Variants in NAV1 observed in about 807,000 individuals in gnomAD.
NAV1 encodes pore membrane and/or filament interacting like protein 3.
A neutral mutation model predicts 175.2 loss-of-function variants in NAV1; 18 were observed. The observed-to-expected ratio is 0.10, with a 90% CI of 0.07 to 0.15. The LOEUF (loss-of-function observed/expected upper bound fraction) is 0.15, where lower values mean the gene tolerates loss of function less well. Ranked by LOEUF, NAV1 falls within the 10% of genes least tolerant of loss-of-function variation. The pLI, the probability that NAV1 is intolerant of heterozygous loss-of-function variation, is 1.00. For synonymous variants in NAV1, 897 were observed against 978.7 expected, an observed-to-expected ratio of 0.92 and a Z score of 1.56; for missense variants, 1,731 against 2,436.6, an observed-to-expected ratio of 0.71 and a Z score of 6.10.
rs999973828 is a variant in NAV1, at chr1:201,539,289, G to A, written c.-197G>A. On this transcript the variant is annotated 5_prime_UTR_variant, in exon 1 of 34. Coordinates refer to the NAV1 transcript ENST00000685211. This position sits in a 1 kb window ranked among gnomAD's most constrained non-coding sequence, Gnocchi z 5.6. ...GCACCCGCGCTGCCCTTGGGGATGCGCGACTCTGCGCGGCTGCGGCGCGGA... is the reference window on the plus strand; with the variant it reads ...GCACCCGCGCTGCCCTTGGGGATGCACGACTCTGCGCGGCTGCGGCGCGGA... Among the ~76,000 whole-genome samples, 1 of 151,976 alleles carries A rather than the reference G, an allele frequency of 6.6e-6. No homozygotes were observed. Among genetic ancestry groups the A allele is most frequent in the African/African-American group, 2.4e-5 (1 of 41,436 alleles).
At chr1:201,756,866 T>TTCTTTCTTTC (rs1674535578) in intron 3 of NAV1, among the ~76,000 whole-genome samples, 3 of 103,562 alleles carry the variant, frequency 2.9e-5, no homozygotes, top group Non-Finnish European at 6.3e-5. Context: ...CTTTCTTTCT[T>TTCTTTCTTTC]TCTTTCTTTC....
chr1:201,597,375 C>G (rs956323618), intron 2 of NAV1, among the ~76,000 whole-genome samples: 3 of 152,238 alleles, frequency 2.0e-5, no homozygotes, highest in South Asian at 4.1e-4. Flanking sequence ...CCAAATACCC[C>G]CCTACACTCT....
intron 1 of NAV1, among the ~76,000 whole-genome samples, chr1:201,704,731 T>G (rs1450151770): frequency 3.3e-5 from 5 of 152,258 alleles, no homozygotes; most frequent in African/African-American, 1.2e-4. Flanking sequence ...ATCTCCATCC[T>G]GTTGAATCAG....
At chr1:201,636,716 A>G (rs1374141758) in intron 2 of NAV1, among the ~76,000 whole-genome samples, 1 of 152,192 alleles carries the variant, frequency 6.6e-6, no homozygotes, top group Admixed American at 6.5e-5. Flanking sequence ...TGTGGTATGA[A>G]TGACTGAGGT....
chr1:201,587,210 CAAA>C (rs1359968445), intron 1 of NAV1, among the ~76,000 whole-genome samples: 1 of 149,680 alleles, frequency 6.7e-6, no homozygotes, highest in African/African-American at 2.5e-5. Context: ...AACCCTGTCT[CAAA>C]GAAAGAAAAA....
chr1:201,643,064 G>T (rs934309531), intron 2 of NAV1, among the ~76,000 whole-genome samples: 4 of 151,312 alleles, frequency 2.6e-5, no homozygotes, highest in Non-Finnish European at 5.9e-5. Context: ...GTGAGCCACC[G>T]TGCCTGGCCT....
In NAV1 at chr1:201,708,876, C is replaced by T. The variant is rs147149770; in HGVS notation, c.758-3941C>T. On this transcript the variant is annotated intron_variant, in intron 1 of 29. Coordinates refer to ENST00000367296, the Ensembl canonical transcript of NAV1. ...AATAAAACAAGCCATTAGCCAGGCA[C>T]GATGGCACACACCTGTAATCCCAGC... Among the ~76,000 whole-genome samples the T allele has an allele frequency of 6.3e-4, 96 of 152,206 alleles. 1 individual carries two copies. In the East Asian group the frequency reaches 0.014, roughly 23 times the overall value.
intron 15 of NAV1, chr1:201,795,164 T>G (rs903459084): frequency 1.3e-5 from 2 of 152,490 alleles, no homozygotes; most frequent in African/African-American, 2.4e-5. Context: ...TCTTTTTTAT[T>G]CCACTACCAG....
chr1:201,705,793 A>T (rs1258946471), intron 1 of NAV1, among the ~76,000 whole-genome samples: 2 of 152,160 alleles, frequency 1.3e-5, no homozygotes, highest in Non-Finnish European at 2.9e-5. Context: ...GGATGGAGTC[A>T]CTGTAGGGAC....
upstream of NAV1, among the ~76,000 whole-genome samples, chr1:201,644,831 G>T (rs1310226734): frequency 6.6e-6 from 1 of 152,180 alleles, no homozygotes; most frequent in Non-Finnish European, 1.5e-5. Flanking sequence ...TCCCATGAGA[G>T]CATGAGACAA....
chr1:201,741,122 A>G (rs946743390), intron 3 of NAV1, among the ~76,000 whole-genome samples: 7 of 152,132 alleles, frequency 4.6e-5, no homozygotes, highest in Non-Finnish European at 8.8e-5. Flanking sequence ...GGGAGCCCCA[A>G]GTACCCTCCA....
chr1:201,568,589 G>A (rs1371629617), intron 1 of NAV1, among the ~76,000 whole-genome samples: 3 of 152,178 alleles, frequency 2.0e-5, no homozygotes, highest in African/African-American at 7.2e-5. Context: ...GATACCGACT[G>A]TGGCAATTAG....
At chr1:201,634,456 G>A (rs1254340333) in intron 2 of NAV1, among the ~76,000 whole-genome samples, 21 of 152,172 alleles carry the variant, frequency 1.4e-4, no homozygotes, top group South Asian at 4.1e-4. Flanking sequence ...TCACTGGAGG[G>A]GAAGATGACT....
At chr1:201,684,924 T>G (rs1292720828) in intron 1 of NAV1, among the ~76,000 whole-genome samples, 1 of 148,616 alleles carries the variant, frequency 6.7e-6, no homozygotes, top group Non-Finnish European at 1.5e-5. Flanking sequence ...ATCATGCTAC[T>G]GCACTCCAGC....
intron 1 of NAV1, among the ~76,000 whole-genome samples, chr1:201,704,693 C>T (rs1397544973): frequency 6.6e-6 from 1 of 152,230 alleles, no homozygotes; most frequent in East Asian, 1.9e-4. Flanking sequence ...ACACCCTCCA[C>T]TGTGGGGGTT....
At chr1:201,802,457 TAAAA>T (rs34494216) in intron 15 of NAV1, among the ~76,000 whole-genome samples, 16 of 101,092 alleles carry the variant, frequency 1.6e-4, no homozygotes, top group African/African-American at 4.5e-4. Flanking sequence ...CCTGTCTCAT[TAAAA>T]AAAAAAAAAA....
In NAV1 at chr1:201,667,625, A is replaced by C. The variant is rs548546082; in HGVS notation, c.757+18200A>C. On this transcript the variant is annotated intron_variant, in intron 1 of 29. Coordinates refer to ENST00000367296, the Ensembl canonical transcript of NAV1. ...AGGAGGAGGATGCGCTGCCTATCAC[A>C]GTAGCACCTCAGCAAACAGCTGCTG... Among the ~76,000 whole-genome samples the C allele has an allele frequency of 1.2e-4, 19 of 152,342 alleles. No individual in the cohort carries two copies. In the South Asian group the frequency reaches 3.9e-3, roughly 32 times the overall value.
intron 2 of NAV1, among the ~76,000 whole-genome samples, chr1:201,602,028 A>G (rs947198496): frequency 6.6e-6 from 1 of 152,060 alleles, no homozygotes; most frequent in Non-Finnish European, 1.5e-5. Context: ...TATATTTCCC[A>G]TACCCACCCT....
intron 1 of NAV1, among the ~76,000 whole-genome samples, chr1:201,549,359 C>G (rs1665777627): frequency 1.3e-5 from 2 of 152,048 alleles, no homozygotes; most frequent in African/African-American, 4.8e-5. Context: ...CAGGCATGTA[C>G]CACCACGCCT....
Sources: allele counts gnomAD v4.1 joint callset (sites outside exome capture counted in the v4.1 genomes callset), GRCh38; gene constraint gnomAD v4.1.1; non-coding constraint Gnocchi (gnomAD v3.1); transcripts MANE v1.5; gene names NCBI Gene and HGNC (gene_info 2026-07-23, HGNC 2026-07-21).